The following HHAT variants were observed in gnomAD, a reference collection of about 807,000 sequenced individuals.
HHAT encodes hedgehog acyltransferase.
HHAT carries 47 observed loss-of-function variants against 70.8 expected under a neutral mutation model. That is an observed-to-expected ratio of 0.66 (90% CI 0.53 to 0.85). The LOEUF (loss-of-function observed/expected upper bound fraction) is 0.85, where lower values mean the gene tolerates loss of function less well. Among genes scored for constraint, HHAT ranks in the 40% least tolerant of loss-of-function variants. The probability of loss-of-function intolerance (pLI) is 0.00; values close to 1 mark genes in which losing one functional copy is unlikely to be tolerated. For missense variants in HHAT, 609 were observed against 604.8 expected (o/e 1.01, Z -0.07); for synonymous variants, 228 against 247.6 (o/e 0.92, Z 0.74).
intron 11 of HHAT, among the ~76,000 whole-genome samples, chr1:210,639,840 C>T (rs1307747675): frequency 6.6e-6 from 1 of 152,162 alleles, no homozygotes; most frequent in Non-Finnish European, 1.5e-5. Flanking sequence ...AACTTTATTG[C>T]CCATCAGAGT....
intron 10 of HHAT, among the ~76,000 whole-genome samples, chr1:210,594,236 T>C (rs1323889278): frequency 1.3e-5 from 2 of 152,176 alleles, no homozygotes; most frequent in African/African-American, 4.8e-5. Context: ...GGTCTTCTCC[T>C]TCTTTCCCTC....
intron 11 of HHAT, among the ~76,000 whole-genome samples, chr1:210,626,272 T>G (rs897080949): frequency 6.6e-6 from 1 of 152,178 alleles, no homozygotes; most frequent in African/African-American, 2.4e-5. Context: ...CTCAGTCACA[T>G]GGGATTGGGC....
intron 8 of HHAT, among the ~76,000 whole-genome samples, chr1:210,500,592 C>G (rs2094734691): frequency 6.6e-6 from 1 of 152,134 alleles, no homozygotes; most frequent in Admixed American, 6.5e-5. Flanking sequence ...AGTCATATAT[C>G]CTTGTTCTCT....
intron 11 of HHAT, among the ~76,000 whole-genome samples, chr1:210,669,335 CCTTCT>C (rs1281188876): frequency 6.6e-6 from 1 of 152,162 alleles, no homozygotes; most frequent in African/African-American, 2.4e-5. Flanking sequence ...TTAATGCTGA[CCTTCT>C]CTTCGCTTCA....
chr1:210,358,175 C>T (rs140894199), intron 2 of HHAT, among the ~76,000 whole-genome samples: 1 of 152,288 alleles, frequency 6.6e-6, no homozygotes, highest in East Asian at 1.9e-4. Context: ...ATGTCAGACC[C>T]CTGAACATGC....
intron 1 of HHAT, among the ~76,000 whole-genome samples, chr1:210,336,169 G>T (rs899447829): frequency 2.6e-5 from 4 of 152,120 alleles, no homozygotes; most frequent in Non-Finnish European, 4.4e-5. Flanking sequence ...ACCCAGGCGG[G>T]AGTGCAGTGG....
At chr1:210,635,127 G>A (rs1027637067) in intron 11 of HHAT, among the ~76,000 whole-genome samples, 1 of 152,172 alleles carries the variant, frequency 6.6e-6, no homozygotes, top group Non-Finnish European at 1.5e-5. Context: ...TTCTGGGTGA[G>A]AAAGTCACCA....
chr1:210,668,775 A>G, intron 11 of HHAT, among the ~76,000 whole-genome samples: 1 of 151,682 alleles, frequency 6.6e-6, no homozygotes, highest in East Asian at 1.9e-4. Context: ...TTATTTATTT[A>G]TTTTTTTTAT....
rs943677431 is a variant in HHAT at position 210,604,289 on chromosome 1, T to C, written c.1245+16190T>C. On this transcript the variant is annotated intron_variant, in intron 10 of 11. Transcript: ENST00000261458. ...TTTTAGTAGAGACAGGGTTTCACCATGTTAGCCAGGATGGTCTCGATCTCC... is the reference window on the plus strand; with the variant it reads ...TTTTAGTAGAGACAGGGTTTCACCACGTTAGCCAGGATGGTCTCGATCTCC... 9.3e-5 allele frequency among the ~76,000 whole-genome samples: 14 copies of C among 150,740 alleles called. No homozygotes were observed. In the South Asian group the frequency reaches 1.5e-3, roughly 16 times the overall value.
rs571604313 is a variant in HHAT, at chr1:210,408,487, A to G, written c.684+3808A>G. Among the ~76,000 whole-genome samples, 13 of 152,176 alleles carry G rather than the reference A, an allele frequency of 8.5e-5. No individual in the cohort carries two copies. The East Asian group carries it at 2.3e-3, about 27-fold the overall frequency. On this transcript the variant is annotated intron_variant, in intron 6 of 11. Coordinates refer to ENST00000261458, the MANE Select transcript of HHAT (RefSeq NM_018194.6). Reference sequence around the variant, plus strand: ...TGTGAGCCACCATGCTCGGCCTCTTACTTTTATTATTGTGATGATTGGCCA... The same window carrying G: ...TGTGAGCCACCATGCTCGGCCTCTTGCTTTTATTATTGTGATGATTGGCCA...
At chr1:210,511,596 G>A (rs771320750) in intron 8 of HHAT, among the ~76,000 whole-genome samples, 1 of 151,874 alleles carries the variant, frequency 6.6e-6, no homozygotes, top group Non-Finnish European at 1.5e-5. Context: ...ACCCCCCCTC[G>A]AGGGTGAATT....
At chr1:210,654,763 A>G (rs976252949) in intron 11 of HHAT, among the ~76,000 whole-genome samples, 39 of 152,226 alleles carry the variant, frequency 2.6e-4, no homozygotes, top group Non-Finnish European at 7.3e-5. Flanking sequence ...GCCCCTAGGA[A>G]GGAGGTGGGA....
chr1:210,370,139 A>G (rs1020368284), intron 3 of HHAT, among the ~76,000 whole-genome samples: 2 of 106,826 alleles, frequency 1.9e-5, no homozygotes, highest in African/African-American at 7.8e-5. Flanking sequence ...CCTTCACCTT[A>G]TTTTCTCCTA....
At chr1:210,595,089 A>G (rs1035859265) in intron 10 of HHAT, among the ~76,000 whole-genome samples, 1 of 152,028 alleles carries the variant, frequency 6.6e-6, no homozygotes, top group African/African-American at 2.4e-5. Flanking sequence ...AGCATTAGGT[A>G]TATCTCCTAA....
intron 10 of HHAT, chr1:210,590,315 T>G (rs1661381893): frequency 6.6e-6 from 1 of 152,056 alleles, no homozygotes; most frequent in South Asian, 2.1e-4. Flanking sequence ...TGTTCTTCTG[T>G]CAAAATCCAA....
At chr1:210,471,621 T>C (rs1278177404) in intron 8 of HHAT, among the ~76,000 whole-genome samples, 1 of 152,096 alleles carries the variant, frequency 6.6e-6, no homozygotes, top group Non-Finnish European at 1.5e-5. Context: ...ATCCTCAGAA[T>C]AGCCCAAACT....
chr1:210,379,709 G>A (rs569146292), intron 3 of HHAT, among the ~76,000 whole-genome samples: 1 of 152,288 alleles, frequency 6.6e-6, no homozygotes, highest in East Asian at 1.9e-4. Context: ...AAGTAAAATC[G>A]AGTTTGTTGT....
intron 10 of HHAT, among the ~76,000 whole-genome samples, chr1:210,607,969 C>T (rs1463069261): frequency 2.0e-5 from 3 of 152,160 alleles, no homozygotes; most frequent in African/African-American, 7.2e-5. Context: ...CTAAAATTTG[C>T]ACTTCTTTTC....
chr1:210,584,623 C>T (rs903616256), intron 9 of HHAT, among the ~76,000 whole-genome samples: 6 of 152,160 alleles, frequency 3.9e-5, no homozygotes, highest in African/African-American at 1.4e-4. Flanking sequence ...TCCAACCCCT[C>T]GTTTGTGTCC....
Sources: gnomAD v4.1 joint callset for allele counts (sites outside exome capture counted in the v4.1 genomes callset) on GRCh38, gnomAD v4.1.1 for gene constraint, MANE v1.5 for transcripts, NCBI Gene and HGNC (gene_info 2026-07-23, HGNC 2026-07-21) for gene names.